APOL2: variants seen among roughly 807,000 people sequenced by gnomAD.
APOL2 encodes apolipoprotein L, 2.
A neutral mutation model predicts 7.1 loss-of-function variants in APOL2; 8 were observed. The observed-to-expected ratio is 1.12, with a 90% CI of 0.66 to 2.03. The LOEUF is 2.03. APOL2 is among the 30% of genes most tolerant of loss of function. The pLI is 0.00. For missense variants in APOL2, 471 were observed against 415.1 expected, an observed-to-expected ratio of 1.13 and a Z score of -1.17; for synonymous variants, 177 against 159.9, an observed-to-expected ratio of 1.11 and a Z score of -0.81.
At chr22:36,237,607 TCTC>T (rs908629801) in intron 1 of APOL2, among the ~76,000 whole-genome samples, 1 of 145,926 alleles carries the variant, frequency 6.9e-6, no homozygotes, top group Non-Finnish European at 1.5e-5. Flanking sequence ...AGAGACAGCA[TCTC>T]CTGTGTTGCC....
Position 36,231,431 on chromosome 22 carries a change from A to G in APOL2, c.46T>C (p.Phe16Leu). 6.2e-7 allele frequency: 1 copy of G among 1,614,094 alleles called. No individual in the cohort carries two copies. The change falls in exon 4 of 5, where the codon TTC becomes CTC. Residue 16 changes from phenylalanine to leucine, a missense_variant. Transcript: ENST00000358502. The stretch of plus-strand genomic sequence containing the variant: ...TTCTCTCTGCTCACTTGGTCCTGGA[A>G]ATACTTAAGGTAATCCTCAATAAAG... ...SIFIEDYLKY[F>L]QDQVSRENLL... is the part of the protein sequence containing the mutation.
Position 36,227,733 on chromosome 22 carries a change from G to T in APOL2, c.685C>A (p.Arg229=). ...CCTAACTGAGGGTTGGCTCTGGCTC[G>T]TCTGATGGCACGGATGTTCCTCCCA... ...GIGRNIRAIR[R]ARANPQLGAY... The change falls in exon 5 of 5, where the codon CGA becomes AGA. Residue 229 remains arginine, a synonymous_variant. Coordinates refer to ENST00000358502, the MANE Select transcript of APOL2 (RefSeq NM_030882.4). The T allele has an allele frequency of 6.2e-7, 1 of 1,614,238 alleles. No individual in the cohort carries two copies.
chr22:36,239,350 G>C (rs1426878553), intron 1 of APOL2, 91 bp downstream of exon 1: 6 of 1,404,172 alleles, frequency 4.3e-6, no homozygotes, highest in South Asian at 1.4e-5. Flanking sequence ...TAACCTCTCT[G>C]AGCTTATCTA....
chr22:36,230,857 T>G (rs912452339), intron 4 of APOL2, among the ~76,000 whole-genome samples: 14 of 152,102 alleles, frequency 9.2e-5, no homozygotes, highest in Non-Finnish European at 1.6e-4. Context: ...ACACATATTG[T>G]TTAGGTTAGG....
intron 1 of APOL2, chr22:36,237,086 A>G: frequency 1.3e-6 from 2 of 1,532,986 alleles, no homozygotes; most frequent in Non-Finnish European, 1.8e-6. Flanking sequence ...GAGGAGCTGC[A>G]TCCAGGATCC....
chr22:36,239,603 A>C, upstream of APOL2: 3 of 1,159,546 alleles, frequency 2.6e-6, no homozygotes, highest in Admixed American at 5.9e-5. Context: ...ACTTCCCAGC[A>C]GCTCATGACC....
intron 1 of APOL2, chr22:36,237,163 T>A (rs2015434975): frequency 6.6e-7 from 1 of 1,514,092 alleles, no homozygotes; most frequent in East Asian, 2.6e-5. Flanking sequence ...GGGTTGAGGC[T>A]GGATACTGCC....
chr22:36,231,465 C>G lies in APOL2; in HGVS notation c.12G>C (p.Glu4Asp). Residue 4 changes from glutamate to aspartate, a missense_variant and splice_region_variant, in exon 4 of 5, where the codon GAG becomes GAC. By Grantham distance (45) the Glu-to-Asp change is conservative (BLOSUM62 2). Coordinates refer to ENST00000358502, the MANE Select transcript of APOL2 (RefSeq NM_030882.4). ...GGTAATCCTCAATAAAGATACTGCT[C>G]TCTAGTTGGAAAGAAGAAAGGATAA... MNP[E>D]SSIFIEDYLK... 6.2e-7 allele frequency: 1 copy of G among 1,608,120 alleles called. No homozygotes were observed. The highest frequency in any genetic ancestry group is 8.5e-7 in the Non-Finnish European group (1 of 1,179,098).
intron 1 of APOL2, among the ~76,000 whole-genome samples, chr22:36,235,325 G>A (rs994177986): frequency 4.6e-5 from 7 of 152,066 alleles, no homozygotes; most frequent in East Asian, 1.9e-4. Context: ...CCCCCACCCC[G>A]TTCAATATGA....
At chr22:36,236,046 G>A (rs918226268) in intron 1 of APOL2, among the ~76,000 whole-genome samples, 7 of 151,794 alleles carry the variant, frequency 4.6e-5, no homozygotes, top group African/African-American at 1.7e-4. Context: ...GCAGTACAAG[G>A]GAGGAAAAAA....
At chr22:36,236,304 GAGA>G (rs1441562068) in intron 1 of APOL2, among the ~76,000 whole-genome samples, 1 of 152,236 alleles carries the variant, frequency 6.6e-6, no homozygotes, top group Admixed American at 6.5e-5. Flanking sequence ...CTGAACGAAG[GAGA>G]AGGAGGATTA....
chr22:36,229,184 A>G (rs556030825), intron 4 of APOL2, among the ~76,000 whole-genome samples: 19 of 151,902 alleles, frequency 1.3e-4, no homozygotes, highest in African/African-American at 4.6e-4. Context: ...CACCCCCACC[A>G]CTGGTGGTTG....
chr22:36,235,932 C>T (rs1350497535), intron 1 of APOL2, among the ~76,000 whole-genome samples: 1 of 151,830 alleles, frequency 6.6e-6, no homozygotes, highest in Non-Finnish European at 1.5e-5. Context: ...AACGACCAGT[C>T]CAGGATGGAA....
At chr22:36,230,678 T>G (rs6000209) in intron 4 of APOL2, among the ~76,000 whole-genome samples, 18,680 of 152,122 alleles carry the variant, frequency 0.12, 1,282 homozygotes, top group African/African-American at 0.17. Context: ...CACACTCCTA[T>G]GACATTGAAT....
intron 1 of APOL2, chr22:36,238,987 G>C: frequency 4.4e-6 from 2 of 451,802 alleles, no homozygotes; most frequent in Non-Finnish European, 7.0e-6. Context: ...GAAATCTGTT[G>C]TTCCCATTGG....
rs869225053 is a variant in APOL2, at chr22:36,235,756, GGTGTGT to G, written c.-133-2307_-133-2302del. Among the ~76,000 whole-genome samples the G allele has an allele frequency of 9.7e-5, 11 of 113,120 alleles. No homozygotes were observed. In the South Asian group the frequency reaches 3.8e-3, roughly 39 times the overall value. The allele number at this position is 113,120 out of a possible 152,430, so 74.2% of individuals were successfully genotyped here. Reference sequence around the variant, plus strand: ...GGGAGGAAGAAAGGGTGGGTGGGTGGGTGTGTGTGTGTGTGTGTGTGTGTGTGTGTG... The same window carrying G: ...GGGAGGAAGAAAGGGTGGGTGGGTGGGTGTGTGTGTGTGTGTGTGTGTGTG... On this transcript the variant is annotated intron_variant, in intron 1 of 4. Coordinates refer to ENST00000358502, the MANE Select transcript of APOL2 (RefSeq NM_030882.4).
intron 3 of APOL2, 55 bp from the exon 4 acceptor site, chr22:36,231,521 G>A (rs1057242091): frequency 7.6e-6 from 12 of 1,584,194 alleles, no homozygotes; most frequent in African/African-American, 5.4e-5. Context: ...GAGCATAACA[G>A]CCATTGCACA....
At chr22:36,238,097 C>A (rs1174622669) in intron 1 of APOL2, among the ~76,000 whole-genome samples, 1 of 152,180 alleles carries the variant, frequency 6.6e-6, no homozygotes, top group Non-Finnish European at 1.5e-5. Flanking sequence ...CTTTGGGCCT[C>A]TGTCTCCCCT....
chr22:36,233,251 G>T lies in APOL2; in HGVS notation c.-79-10C>A, dbSNP rs765544989. ...AAGGTTTTCCTTAACCCTTGAGAAC[G>T]AGAAAACAAATTGTGGGATCGAAGG... is the stretch of plus-strand genomic sequence containing the variant. On this transcript the variant is annotated splice_polypyrimidine_tract_variant and intron_variant, in intron 2 of 4. Transcript: ENST00000358502. 8 of 1,613,876 alleles carry T rather than the reference G, an allele frequency of 5.0e-6. No individual in the cohort carries two copies. The Admixed American group carries it at 1.2e-4, about 24-fold the overall frequency.
Sources: gnomAD v4.1 joint callset for allele counts (sites outside exome capture counted in the v4.1 genomes callset) on GRCh38, gnomAD v4.1.1 for gene constraint, MANE v1.5 for transcripts, NCBI Gene and HGNC (gene_info 2026-07-23, HGNC 2026-07-21) for gene names.